Variants in RELN observed in about 807,000 individuals in gnomAD.
RELN encodes reelin.
In RELN, 108 loss-of-function variants were observed where a neutral mutation model predicts 427.6. That is an observed-to-expected ratio of 0.25 (90% CI 0.22 to 0.30). The LOEUF (loss-of-function observed/expected upper bound fraction) is 0.30, where lower values mean the gene tolerates loss of function less well. RELN is among the 10% of genes least tolerant of loss of function. The pLI is 1.00. For missense variants in RELN, 3,715 were observed against 4,302.8 expected, an observed-to-expected ratio of 0.86 and a Z score of 3.82; for synonymous variants, 1,524 against 1,513.4, an observed-to-expected ratio of 1.01 and a Z score of -0.16.
chr7:103,729,036 T>C (rs1368944963), intron 6 of RELN, among the ~76,000 whole-genome samples: 1 of 152,194 alleles, frequency 6.6e-6, no homozygotes, highest in Admixed American at 6.6e-5. Context: ...ATGTGTATTC[T>C]GGACTTGACC....
chr7:103,858,002 G>T (rs1486635206), intron 2 of RELN, among the ~76,000 whole-genome samples: 1 of 151,386 alleles, frequency 6.6e-6, no homozygotes, highest in Non-Finnish European at 1.5e-5. Flanking sequence ...CTCTTCAATG[G>T]TTTCTTTTTT....
chr7:103,815,966 G>A (rs553440177), intron 3 of RELN, among the ~76,000 whole-genome samples: 6 of 152,274 alleles, frequency 3.9e-5, no homozygotes, highest in African/African-American at 1.4e-4. Flanking sequence ...TATCTAGCAA[G>A]TTAAACTGTT....
Position 103,692,296 on chromosome 7 carries a change from T to C in RELN, c.1143+5557A>G, listed in dbSNP as rs181556216. On this transcript the variant is annotated intron_variant, in intron 10 of 64. Transcript: ENST00000428762. ...ATGCATGATCTGCCTGAGAGATGCT[T>C]TGGGGTGAGTGAGCCCCAGCTTTGG... is the stretch of plus-strand genomic sequence containing the variant. Among the ~76,000 whole-genome samples the C allele has an allele frequency of 1.1e-4, 17 of 152,226 alleles. No homozygotes were observed. In the East Asian group the frequency reaches 3.1e-3, roughly 28 times the overall value.
intron 24 of RELN, among the ~76,000 whole-genome samples, chr7:103,598,701 T>C (rs1342026227): frequency 6.6e-6 from 1 of 152,208 alleles, no homozygotes. Flanking sequence ...CACAAATGCT[T>C]AGTTTGGCAC....
Position 103,961,571 on chromosome 7 carries a change from C to A in RELN, c.226+27560G>T, listed in dbSNP as rs77219706. Among the ~76,000 whole-genome samples the A allele has an allele frequency of 0.013, 2,031 of 152,286 alleles. 97 individuals carry two copies. The East Asian group carries it at 0.15, about 11-fold the overall frequency. ...AAGAGCAAAGCGTATACAAACATAA[C>A]GTCCTGCTACTGTTGTTGTTGTTAT... On this transcript the variant is annotated intron_variant, in intron 1 of 64. Coordinates refer to ENST00000428762, the MANE Select transcript of RELN (RefSeq NM_005045.4).
At position 103,535,415 on chromosome 7, in the gene RELN, G is replaced by A; in HGVS notation, c.7250C>T (p.Thr2417Ile). Residue 2417 changes from threonine (T) to isoleucine (I), a missense_variant, in exon 46 of 65, where the codon ACC becomes ATC. By Grantham distance (89) the Thr-to-Ile change is moderately conservative (BLOSUM62 -1). Transcript: ENST00000428762. ...ATGATAGCGACTGCATTCCACATTG[G>A]TAGGCAGACAGTCCCTTACCAATGG... ...WHPLVRDCLP[T>I]NVECSRYHLQ... 1 of 1,614,002 alleles carries A rather than the reference G, an allele frequency of 6.2e-7. No homozygotes were observed. The highest frequency in any genetic ancestry group is 8.5e-7 in the Non-Finnish European group (1 of 1,179,916).
chr7:103,683,660 T>C (rs1477116424), intron 10 of RELN, among the ~76,000 whole-genome samples: 3 of 152,202 alleles, frequency 2.0e-5, no homozygotes, highest in Admixed American at 6.5e-5. Context: ...AAGTATAGCA[T>C]ATAAAATTAT....
intron 1 of RELN, among the ~76,000 whole-genome samples, chr7:103,960,680 A>G (rs1796532836): frequency 6.6e-6 from 1 of 152,202 alleles, no homozygotes; most frequent in Non-Finnish European, 1.5e-5. Context: ...TTTATATTAA[A>G]GATACTTACA....
chr7:103,924,352 G>C (rs1466433781), intron 1 of RELN, among the ~76,000 whole-genome samples: 1 of 152,110 alleles, frequency 6.6e-6, no homozygotes, highest in Non-Finnish European at 1.5e-5. Flanking sequence ...GAAGGAGAAG[G>C]AGTGGCCTCC....
In RELN at chr7:103,594,366, C is replaced by T. The variant is rs1230551306; in HGVS notation, c.3666G>A (p.Glu1222=). The change falls in exon 26 of 65, where the codon GAG becomes GAA. Residue 1222 remains glutamate (E), a synonymous_variant. Transcript: ENST00000428762. ...WAVDDIIILS[E]KQKQIIPVIN... is the part of the protein sequence containing the mutation. ...TAACTGGGATGATCTGCTTCTGCTT[C>T]TCGGACAGAATGATGATGTCATCGA... 6.2e-7 allele frequency: 1 copy of T among 1,614,006 alleles called. No homozygotes were observed. Among genetic ancestry groups the T allele is most frequent in the East Asian group, 2.2e-5 (1 of 44,870 alleles).
chr7:103,825,384 T>G (rs1257713358), intron 3 of RELN, among the ~76,000 whole-genome samples: 1 of 152,122 alleles, frequency 6.6e-6, no homozygotes, highest in South Asian at 2.1e-4. Flanking sequence ...TCACTTGTCA[T>G]ATTTGGCTAC....
At chr7:103,920,662 C>G (rs1329132363) in intron 1 of RELN, among the ~76,000 whole-genome samples, 1 of 150,974 alleles carries the variant, frequency 6.6e-6, no homozygotes, top group Non-Finnish European at 1.5e-5. Flanking sequence ...CAGCCTCCAC[C>G]TCCTGGGTTC....
At chr7:103,774,408 AT>A (rs1791685407) in intron 4 of RELN, among the ~76,000 whole-genome samples, 2 of 152,108 alleles carry the variant, frequency 1.3e-5, no homozygotes, top group South Asian at 4.1e-4. Flanking sequence ...TACTTTTTCA[AT>A]ATGTTTAGCA....
intron 2 of RELN, among the ~76,000 whole-genome samples, chr7:103,912,462 G>T (rs1217994326): frequency 6.6e-6 from 1 of 152,108 alleles, no homozygotes; most frequent in Non-Finnish European, 1.5e-5. Flanking sequence ...GGGATTACAG[G>T]CGTGACCCAC....
chr7:103,553,686 A>G lies in RELN; in HGVS notation c.5943T>C (p.Tyr1981=). 1 of 1,614,148 alleles carries G rather than the reference A, an allele frequency of 6.2e-7. No homozygotes were observed. Among genetic ancestry groups the G allele is most frequent in the Non-Finnish European group, 8.5e-7 (1 of 1,179,998 alleles). The change falls in exon 39 of 65, where the codon TAT becomes TAC. Residue 1981 remains tyrosine (Y), a synonymous_variant. Coordinates refer to ENST00000428762, the MANE Select transcript of RELN (RefSeq NM_005045.4). ...FFYPGGNIGL[Y]CPYSSKGAPE... ...GTGCCCCCTTTGAAGAATATGGACA[A>G]TAAAGACCGATGTTACCACCAGGAT... is the stretch of plus-strand genomic sequence containing the variant.
At chr7:103,706,894 A>G (rs922974880) in intron 8 of RELN, among the ~76,000 whole-genome samples, 4 of 152,168 alleles carry the variant, frequency 2.6e-5, no homozygotes, top group Non-Finnish European at 5.9e-5. Flanking sequence ...GTACTTGGGC[A>G]TCACTTTCTC....
In RELN at chr7:103,495,845, C is replaced by T; in HGVS notation, c.9247G>A (p.Ala3083Thr). Residue 3083 changes from alanine to threonine, a missense_variant, in exon 57 of 65, where the codon GCA becomes ACA. Physicochemically the swap from Ala to Thr is moderately conservative, Grantham distance 58. This residue lies in a region of RELN where 1,310 missense variants were observed against 1,643.0 expected (regional missense o/e 0.80). Coordinates refer to ENST00000428762, the MANE Select transcript of RELN (RefSeq NM_005045.4). The part of the protein sequence containing the change: ...WSFYPNAVRT[A>T]GFCGNPSFHL... ...AAGGATGGATTGCCACAAAATCCTG[C>T]TGTCCTTACAGCATTAGGGTAAAAA... is the stretch of plus-strand genomic sequence containing the variant. 6.2e-7 allele frequency: 1 copy of T among 1,613,986 alleles called. No homozygotes were observed. Among genetic ancestry groups the T allele is most frequent in the Non-Finnish European group, 8.5e-7 (1 of 1,179,954 alleles).
At chr7:103,804,825 C>G (rs747407659) in intron 3 of RELN, among the ~76,000 whole-genome samples, 7 of 152,026 alleles carry the variant, frequency 4.6e-5, no homozygotes, top group Non-Finnish European at 8.8e-5. Flanking sequence ...TGGCTTTTTG[C>G]AATGTATTTT....
At chr7:103,845,235 G>A (rs745992163) in intron 2 of RELN, among the ~76,000 whole-genome samples, 24 of 151,872 alleles carry the variant, frequency 1.6e-4, no homozygotes, top group Non-Finnish European at 3.2e-4. Flanking sequence ...GAGTCACCCA[G>A]GCTGGAGTGC....
Sources: allele counts gnomAD v4.1 joint callset (sites outside exome capture counted in the v4.1 genomes callset), GRCh38; gene constraint gnomAD v4.1.1; regional missense constraint gnomAD v4.1.1; transcripts MANE v1.5; gene names NCBI Gene and HGNC (gene_info 2026-07-23, HGNC 2026-07-21).